The following GMDS variants were observed in gnomAD, a reference collection of about 807,000 sequenced individuals.
The protein encoded by GMDS is GDP-mannose 4,6 dehydratase.
In GMDS, 20 loss-of-function variants were observed where a neutral mutation model predicts 49.9. The observed-to-expected ratio is 0.40, with a 90% CI of 0.28 to 0.58. GMDS has a LOEUF of 0.58. Ranked by LOEUF, GMDS falls within the 20% of genes least tolerant of loss-of-function variation. The pLI, the probability that GMDS is intolerant of heterozygous loss-of-function variation, is 0.42. For synonymous variants in GMDS, 177 were observed against 178.6 expected (o/e 0.99, Z 0.07); for missense variants, 362 against 481.4 (o/e 0.75, Z 2.32).
intron 4 of GMDS, among the ~76,000 whole-genome samples, chr6:1,973,326 A>T (rs1250403068): frequency 1.3e-5 from 2 of 152,226 alleles, no homozygotes; most frequent in Non-Finnish European, 2.9e-5. Flanking sequence ...TGTAATGTTT[A>T]TAACTTTAAT....
Position 2,052,116 on chromosome 6 carries a change from C to CAAAAAAAAAAA in GMDS, c.345+63644_345+63654dup, listed in dbSNP as rs1285013159. Among the ~76,000 whole-genome samples the CAAAAAAAAAAA allele has an allele frequency of 4.4e-3, 192 of 43,518 alleles. 4 individuals carry two copies. Among genetic ancestry groups the CAAAAAAAAAAA allele is most frequent in the Middle Eastern group, 0.011 (1 of 90 alleles). 28.5% of individuals were successfully genotyped at this position (43,518 alleles called of 152,430 possible). A position where few individuals can be genotyped will look rare whatever the true frequency, so the allele number is the denominator to read the frequency against. On this transcript the variant is annotated intron_variant, in intron 4 of 10. Coordinates refer to ENST00000380815, the MANE Select transcript of GMDS (RefSeq NM_001500.4). ...TGGGTGACAGAGCAAGACTCTGTCT[C>CAAAAAAAAAAA]AAAAAAAAAAAAAAGAAAAAAAAAA... is the stretch of plus-strand genomic sequence containing the variant.
chr6:1,742,737 A>G, intron 7 of GMDS, 151 bp from the exon 8 acceptor site: 1 of 552,094 alleles, frequency 1.8e-6, no homozygotes, highest in South Asian at 2.1e-5. Flanking sequence ...ATGGCTCCCA[A>G]CTTTTACTGA....
chr6:2,053,953 G>C (rs1212171768), intron 4 of GMDS, among the ~76,000 whole-genome samples: 1 of 152,012 alleles, frequency 6.6e-6, no homozygotes, highest in Non-Finnish European at 1.5e-5. Flanking sequence ...TTGTTAGCAG[G>C]TCAAATGTTT....
chr6:2,199,863 A>G lies in GMDS; in HGVS notation c.102+45458T>C, dbSNP rs532304528. Among the ~76,000 whole-genome samples, 64 of 152,226 alleles carry G rather than the reference A, an allele frequency of 4.2e-4. 1 individual carries two copies. Among genetic ancestry groups the G allele is most frequent in the Non-Finnish European group, 4.0e-4 (27 of 68,026 alleles). ...TACCAGGTACAGAGCAGATACAGGAATATTTATCAAAAATAAATAAATGAG... is the reference window on the plus strand; with the variant it reads ...TACCAGGTACAGAGCAGATACAGGAGTATTTATCAAAAATAAATAAATGAG... On this transcript the variant is annotated intron_variant, in intron 1 of 10. Coordinates refer to ENST00000380815, the MANE Select transcript of GMDS (RefSeq NM_001500.4).
intron 1 of GMDS, among the ~76,000 whole-genome samples, chr6:2,169,501 A>G (rs924374531): frequency 2.0e-5 from 3 of 151,706 alleles, no homozygotes; most frequent in Non-Finnish European, 4.4e-5. Flanking sequence ...CCAGCTACTC[A>G]GGAGGCTGGA....
chr6:1,990,540 C>T (rs1232999871), intron 4 of GMDS, among the ~76,000 whole-genome samples: 3 of 152,116 alleles, frequency 2.0e-5, no homozygotes, highest in African/African-American at 7.2e-5. Flanking sequence ...GTGGAACATA[C>T]CCCCTGACAA....
At chr6:1,963,180 C>A (rs1764064878) in intron 4 of GMDS, among the ~76,000 whole-genome samples, 1 of 150,754 alleles carries the variant, frequency 6.6e-6, no homozygotes, top group African/African-American at 2.4e-5. Flanking sequence ...CAGCCTACTT[C>A]CTTTTTTTTT....
At chr6:2,016,030 G>A (rs1179640583) in intron 4 of GMDS, among the ~76,000 whole-genome samples, 2 of 114,460 alleles carry the variant, frequency 1.7e-5, no homozygotes, top group African/African-American at 7.0e-5. Flanking sequence ...TTGAGCCCAG[G>A]AAATAGAGAC....
intron 7 of GMDS, among the ~76,000 whole-genome samples, chr6:1,852,549 C>T (rs2113768260): frequency 6.6e-6 from 1 of 152,212 alleles, no homozygotes; most frequent in South Asian, 2.1e-4. Flanking sequence ...CACAAGCTTC[C>T]CCTCCACTAA....
intron 7 of GMDS, among the ~76,000 whole-genome samples, chr6:1,899,971 G>A (rs1581327719): frequency 2.0e-5 from 3 of 152,120 alleles, no homozygotes; most frequent in South Asian, 4.2e-4. Context: ...GAACACAGTC[G>A]CCACTCTAAG....
intron 4 of GMDS, among the ~76,000 whole-genome samples, chr6:2,073,723 G>GT (rs1394681020): frequency 6.6e-6 from 1 of 152,100 alleles, no homozygotes; most frequent in Admixed American, 6.5e-5. Flanking sequence ...TGCCACAAGG[G>GT]TAAGTTTTTT....
intron 9 of GMDS, among the ~76,000 whole-genome samples, chr6:1,687,848 G>A (rs1011789968): frequency 2.0e-5 from 3 of 152,076 alleles, no homozygotes; most frequent in Non-Finnish European, 4.4e-5. Flanking sequence ...GGGGTAAGAG[G>A]GCAGGAGCTA....
At chr6:2,083,211 A>T (rs186093104) in intron 4 of GMDS, among the ~76,000 whole-genome samples, 2 of 152,304 alleles carry the variant, frequency 1.3e-5, no homozygotes, top group Admixed American at 1.3e-4. Context: ...ACACTTTAGC[A>T]CGATGTCGAG....
In GMDS at chr6:2,050,174, T is replaced by TA. The variant is rs1310767088; in HGVS notation, c.345+65596dup. 7.9e-5 allele frequency among the ~76,000 whole-genome samples: 12 copies of TA among 151,750 alleles called. No homozygotes were observed. In the East Asian group the frequency reaches 1.7e-3, roughly 22 times the overall value. On this transcript the variant is annotated intron_variant, in intron 4 of 10. Coordinates refer to ENST00000380815, the MANE Select transcript of GMDS (RefSeq NM_001500.4). ...AGAGAGAAGAATCGAATAGACGCAA[T>TA]AAAAAAATGATAGAGGGGATATCAC...
chr6:1,661,564 C>T (rs903685573), intron 9 of GMDS, among the ~76,000 whole-genome samples: 4 of 152,202 alleles, frequency 2.6e-5, no homozygotes, highest in South Asian at 2.1e-4. Flanking sequence ...CACACGGAGG[C>T]GTGCTAGTGG....
At chr6:1,845,381 G>A (rs977806044) in intron 7 of GMDS, among the ~76,000 whole-genome samples, 2 of 152,324 alleles carry the variant, frequency 1.3e-5, no homozygotes, top group East Asian at 3.9e-4. Context: ...ATTTATCAGT[G>A]ATGAGCATAT....
chr6:1,629,452 C>G (rs375576744), intron 9 of GMDS, among the ~76,000 whole-genome samples: 1 of 152,164 alleles, frequency 6.6e-6, no homozygotes, highest in South Asian at 2.1e-4. Context: ...TGTCCGTAGG[C>G]AGAGCTCAAA....
chr6:1,876,300 A>G (rs1053688530), intron 7 of GMDS, among the ~76,000 whole-genome samples: 1 of 152,192 alleles, frequency 6.6e-6, no homozygotes, highest in Non-Finnish European at 1.5e-5. Context: ...ACACTTTCTA[A>G]CTATGTTTTC....
chr6:1,767,765 A>T (rs1337391745), intron 7 of GMDS, among the ~76,000 whole-genome samples: 6 of 152,220 alleles, frequency 3.9e-5, no homozygotes, highest in Admixed American at 3.9e-4. Context: ...AGCCTGTGAC[A>T]TCCCCGGAGG....
Sources: allele counts gnomAD v4.1 joint callset (sites outside exome capture counted in the v4.1 genomes callset), GRCh38; gene constraint gnomAD v4.1.1; transcripts MANE v1.5; gene names NCBI Gene and HGNC (gene_info 2026-07-23, HGNC 2026-07-21).